Variants in NHSL2 observed in about 807,000 individuals in gnomAD.
NHSL2 encodes the protein NHS-like protein 2.
A neutral mutation model predicts 53.4 loss-of-function variants in NHSL2; 27 were observed. The observed-to-expected ratio is 0.51, with a 90% CI of 0.37 to 0.70. The LOEUF (loss-of-function observed/expected upper bound fraction) is 0.70, where lower values mean the gene tolerates loss of function less well. Among genes scored for constraint, NHSL2 ranks in the 30% least tolerant of loss-of-function variants. The probability of loss-of-function intolerance (pLI) is 0.00; values close to 1 mark genes in which losing one functional copy is unlikely to be tolerated. For missense variants in NHSL2, 892 were observed against 980.1 expected, an observed-to-expected ratio of 0.91 and a Z score of 1.20; for synonymous variants, 408 against 404.1, an observed-to-expected ratio of 1.01 and a Z score of -0.12.
rs1367727290 is a variant in NHSL2, at chrX:72,132,146, AGT to A, written c.350_351del (p.Val117GlufsTer32). ...AHSRSSWRQP[V>X]NVFLSSGRPP... Reference sequence around the variant, plus strand: ...ACTCGAGGTCGTCATGGCGACAGCCAGTGAACGTGTTCCTCTCCTCGGGCAGG... The same window carrying A: ...ACTCGAGGTCGTCATGGCGACAGCCAGAACGTGTTCCTCTCCTCGGGCAGG... On this transcript the variant is annotated frameshift_variant, in exon 2 of 8. Coordinates refer to ENST00000633930, the MANE Select transcript of NHSL2 (RefSeq NM_001013627.3). LOFTEE classifies it high-confidence loss of function. The A allele has an allele frequency of 1.7e-6, 2 of 1,165,308 alleles. No individual in the cohort carries two copies. Among genetic ancestry groups the A allele is most frequent in the African/African-American group, 3.6e-5 (2 of 55,776 alleles).
intron 1 of NHSL2, chrX:72,069,732 A>G: frequency 1.1e-6 from 1 of 927,771 alleles, no homozygotes; most frequent in Non-Finnish European, 1.3e-6. Context: ...TAAAAGCCAA[A>G]GCAGGATGCA....
intron 1 of NHSL2, among the ~76,000 whole-genome samples, chrX:72,121,178 G>A (rs191750689): frequency 1.4e-4 from 16 of 112,041 alleles, no homozygotes; most frequent in African/African-American, 6.5e-5. Context: ...GCTGACAGAC[G>A]GTAAAGTCAG....
chrX:71,940,429 C>T (rs567178874), intron 1 of NHSL2, among the ~76,000 whole-genome samples: 24 of 111,075 alleles, frequency 2.2e-4, no homozygotes, highest in African/African-American at 7.5e-4. Context: ...GAAGGGTGAG[C>T]AGATGATTGC....
rs750537083 is a variant in NHSL2 at position 72,085,845 on chromosome X, C to T, written c.281-46234C>T. On this transcript the variant is annotated intron_variant, in intron 1 of 7. Coordinates refer to ENST00000633930, the MANE Select transcript of NHSL2 (RefSeq NM_001013627.3). Reference sequence around the variant, plus strand: ...CTCCCTCCCTACCACCCGTATGCTGCGCCCTCTCCCCCACCTTTGTGCCCA... The same window carrying T: ...CTCCCTCCCTACCACCCGTATGCTGTGCCCTCTCCCCCACCTTTGTGCCCA... 8.3e-5 allele frequency among the ~76,000 whole-genome samples: 9 copies of T among 108,572 alleles called. No homozygotes were observed. In the South Asian group the frequency reaches 2.4e-3, roughly 29 times the overall value. 94.3% of individuals were successfully genotyped at this position (108,572 alleles called of 115,157 possible).
At chrX:72,084,186 A>G (rs1330298547) in intron 1 of NHSL2, among the ~76,000 whole-genome samples, 1 of 112,229 alleles carries the variant, frequency 8.9e-6, no homozygotes, top group Non-Finnish European at 1.9e-5. Context: ...AATGCATTTT[A>G]TAAGAAAAGC....
At chrX:72,064,360 G>A (rs1459719093) in intron 1 of NHSL2, among the ~76,000 whole-genome samples, 1 of 112,385 alleles carries the variant, frequency 8.9e-6, no homozygotes, top group African/African-American at 3.2e-5. Flanking sequence ...GGGATCAGCA[G>A]AATGAAAAGG....
chrX:72,046,003 C>T (rs1157621814), intron 1 of NHSL2, among the ~76,000 whole-genome samples: 1 of 111,835 alleles, frequency 8.9e-6, no homozygotes, highest in Non-Finnish European at 1.9e-5. Flanking sequence ...AACCCCCACT[C>T]CCTCACCCTC....
chrX:72,090,918 A>C (rs2041891512), intron 1 of NHSL2, among the ~76,000 whole-genome samples: 1 of 111,737 alleles, frequency 8.9e-6, no homozygotes, highest in African/African-American at 3.3e-5. Context: ...TGTATCTTGG[A>C]GAACATTCCA....
chrX:71,955,324 A>G (rs2041838238), intron 1 of NHSL2, among the ~76,000 whole-genome samples: 1 of 111,199 alleles, frequency 9.0e-6, no homozygotes, highest in Admixed American at 9.5e-5. Flanking sequence ...CACCATCCAA[A>G]TGCTGTTTTG....
chrX:72,107,075 C>G (rs954587593), intron 1 of NHSL2, among the ~76,000 whole-genome samples: 1 of 110,116 alleles, frequency 9.1e-6, no homozygotes, highest in Non-Finnish European at 1.9e-5. Flanking sequence ...AACAAACCTG[C>G]ACATTGCACA....
intron 1 of NHSL2, among the ~76,000 whole-genome samples, chrX:71,990,667 C>T (rs905297227): frequency 3.6e-5 from 4 of 111,765 alleles, no homozygotes; most frequent in South Asian, 3.8e-4. Context: ...CCTCCAGTTA[C>T]ACCTCCCACA....
intron 1 of NHSL2, among the ~76,000 whole-genome samples, chrX:71,964,717 C>G (rs1488472543): frequency 1.8e-5 from 2 of 111,971 alleles, no homozygotes; most frequent in Non-Finnish European, 3.8e-5. Flanking sequence ...TACAGTTAAG[C>G]CTGTATCTCC....
chrX:72,087,634 G>A (rs1362718052), intron 1 of NHSL2, among the ~76,000 whole-genome samples: 2 of 112,536 alleles, frequency 1.8e-5, no homozygotes, highest in Non-Finnish European at 3.8e-5. Context: ...CACTTTGGGA[G>A]GCCGAGGTGG....
At chrX:72,044,642 A>G in intron 1 of NHSL2, 1 of 1,167,948 alleles carries the variant, frequency 8.6e-7, no homozygotes, top group Non-Finnish European at 1.2e-6. Context: ...GTGCCCACAG[A>G]CAAGGCCATT....
At chrX:72,116,152 A>C (rs2089870271) in intron 1 of NHSL2, among the ~76,000 whole-genome samples, 1 of 112,010 alleles carries the variant, frequency 8.9e-6, no homozygotes, top group African/African-American at 3.3e-5. Context: ...GGGAAATAAT[A>C]GTACCTGCTT....
intron 1 of NHSL2, among the ~76,000 whole-genome samples, chrX:72,082,935 G>T (rs1054886636): frequency 8.9e-6 from 1 of 112,161 alleles, no homozygotes; most frequent in Admixed American, 9.4e-5. Context: ...GGGATCAGTA[G>T]CCTAAAACAA....
intron 1 of NHSL2, among the ~76,000 whole-genome samples, chrX:72,063,115 C>A (rs1166184614): frequency 8.9e-6 from 1 of 112,007 alleles, no homozygotes; most frequent in African/African-American, 3.3e-5. Flanking sequence ...GGTTCCACCC[C>A]CTTGGCCTTG....
intron 1 of NHSL2, among the ~76,000 whole-genome samples, chrX:71,967,997 T>C (rs1242971640): frequency 1.1e-5 from 1 of 93,721 alleles, no homozygotes; most frequent in Non-Finnish European, 2.2e-5. Context: ...GAAGTCAATC[T>C]TTTTTTTTTT....
intron 1 of NHSL2, chrX:72,131,659 G>A: frequency 1.4e-6 from 1 of 734,947 alleles, no homozygotes; most frequent in Non-Finnish European, 1.9e-6. Flanking sequence ...GTGCGGCAGC[G>A]GGGCACGGGC....
Sources: gnomAD v4.1 joint callset for allele counts (sites outside exome capture counted in the v4.1 genomes callset) on GRCh38, gnomAD v4.1.1 for gene constraint, MANE v1.5 for transcripts, NCBI Gene and HGNC (gene_info 2026-07-23, HGNC 2026-07-21) for gene names.